The following OSBPL9 variants were observed in gnomAD, a reference collection of about 807,000 sequenced individuals.
The protein encoded by OSBPL9 is oxysterol-binding protein-related protein 9.
Under a neutral mutation model 106.6 loss-of-function variants are expected in OSBPL9, and 40 were observed. The observed-to-expected ratio is 0.38, with a 90% CI of 0.29 to 0.49. The LOEUF is 0.49. Ranked by LOEUF, OSBPL9 falls within the 20% of genes least tolerant of loss-of-function variation. The pLI is 0.97. For synonymous variants in OSBPL9, 269 were observed against 295.4 expected (o/e 0.91, Z 0.92); for missense variants, 609 against 887.2 (o/e 0.69, Z 3.98).
At chr1:51,762,489 CAG>C (rs1428447544) in intron 11 of OSBPL9, among the ~76,000 whole-genome samples, 1 of 152,158 alleles carries the variant, frequency 6.6e-6, no homozygotes, top group African/African-American at 2.4e-5. Flanking sequence ...TAAAATATTA[CAG>C]AGTTTTGTTT....
In OSBPL9 at chr1:51,772,788, T is replaced by C. The variant is rs530984081; in HGVS notation, c.1170+65T>C. The C allele has an allele frequency of 2.8e-6, 3 of 1,063,214 alleles. No homozygotes were observed. In the East Asian group the frequency reaches 7.2e-5, roughly 25 times the overall value. 65.9% of individuals were successfully genotyped at this position (1,063,214 alleles called of 1,614,324 possible). A position where few individuals can be genotyped will look rare whatever the true frequency, so the allele number is the denominator to read the frequency against. On this transcript the variant is annotated intron_variant, in intron 14 of 23. Transcript: ENST00000428468. Reference sequence around the variant, plus strand: ...GGATTCTCAGTGATTGCGTGGTGAGTGTGCCTGCAAATGTAGTAAAATGAC... The same window carrying C: ...GGATTCTCAGTGATTGCGTGGTGAGCGTGCCTGCAAATGTAGTAAAATGAC...
intron 2 of OSBPL9, among the ~76,000 whole-genome samples, chr1:51,666,278 A>G (rs1293814223): frequency 2.0e-5 from 3 of 152,162 alleles, no homozygotes; most frequent in Non-Finnish European, 4.4e-5. Context: ...GGTACAGCCA[A>G]TTTTCAAAAA....
chr1:51,700,275 G>A (rs1340119817), intron 3 of OSBPL9, among the ~76,000 whole-genome samples: 1 of 152,104 alleles, frequency 6.6e-6, no homozygotes, highest in Admixed American at 6.5e-5. Flanking sequence ...CATGCCCTGT[G>A]CTAGGTTGTG....
At chr1:51,650,741 C>T (rs1283450300) in intron 1 of OSBPL9, among the ~76,000 whole-genome samples, 2 of 152,102 alleles carry the variant, frequency 1.3e-5, no homozygotes, top group East Asian at 3.8e-4. Context: ...AGGTGGAGTA[C>T]AGGAAAATAC....
In OSBPL9 at chr1:51,787,852, A is replaced by G. The variant is rs1483453507; in HGVS notation, c.*63A>G. The G allele has an allele frequency of 2.1e-5, 30 of 1,422,462 alleles. No homozygotes were observed. The highest frequency in any genetic ancestry group is 1.7e-4 in the South Asian group (15 of 86,670). 88.1% of individuals were successfully genotyped at this position (1,422,462 alleles called of 1,614,324 possible). On this transcript the variant is annotated 3_prime_UTR_variant, in exon 24 of 24. Transcript: ENST00000428468. ...AGTAGGCATAATTCAGCAACAAACA[A>G]TCTTCCTTTGGGAGAAACCTGTTCA... is the stretch of plus-strand genomic sequence containing the variant.
the OSBPL9 span, among the ~76,000 whole-genome samples, chr1:51,531,749 T>C: frequency 6.6e-6 from 1 of 152,078 alleles, no homozygotes; most frequent in Non-Finnish European, 1.5e-5. Flanking sequence ...TAAATTTGGG[T>C]GTCATTAGCA....
intron 3 of OSBPL9, among the ~76,000 whole-genome samples, chr1:51,679,112 C>G (rs369482518): frequency 2.5e-4 from 38 of 152,226 alleles, no homozygotes; most frequent in African/African-American, 8.9e-4. Flanking sequence ...GTAGGGAAAT[C>G]TACTGAATTC....
At chr1:51,580,812 G>T (rs751761482) in intron 1 of OSBPL9, among the ~76,000 whole-genome samples, 4 of 141,784 alleles carry the variant, frequency 2.8e-5, no homozygotes, top group Non-Finnish European at 4.6e-5. Flanking sequence ...AAGCAAATAG[G>T]CAGTAAAAAC....
chr1:51,756,424 G>A (rs1051115051), intron 9 of OSBPL9, 66 bp downstream of exon 9: 3 of 1,480,816 alleles, frequency 2.0e-6, no homozygotes, highest in Non-Finnish European at 2.8e-6. Context: ...GTCATATCAG[G>A]AGAAGCCTGA....
At chr1:51,691,994 A>G (rs1655066888) in intron 3 of OSBPL9, among the ~76,000 whole-genome samples, 3 of 152,182 alleles carry the variant, frequency 2.0e-5, no homozygotes, top group African/African-American at 7.2e-5. Context: ...ATAAATAAAT[A>G]GAAGGCATAC....
At chr1:51,622,252 G>A (rs975330428) in intron 1 of OSBPL9, among the ~76,000 whole-genome samples, 1 of 152,098 alleles carries the variant, frequency 6.6e-6, no homozygotes, top group African/African-American at 2.4e-5. Context: ...TCTGGAGCTT[G>A]GGACAAAAAT....
At chr1:51,736,716 T>C (rs1412725571) in intron 4 of OSBPL9, among the ~76,000 whole-genome samples, 1 of 152,166 alleles carries the variant, frequency 6.6e-6, no homozygotes, top group Non-Finnish European at 1.5e-5. Context: ...TGATGGATCC[T>C]TAAAAGTAGA....
chr1:51,762,251 A>C (rs1189998202), intron 11 of OSBPL9, among the ~76,000 whole-genome samples: 1 of 152,052 alleles, frequency 6.6e-6, no homozygotes, highest in Non-Finnish European at 1.5e-5. Context: ...TGGTACGATC[A>C]GGGCTCACTG....
intron 1 of OSBPL9, among the ~76,000 whole-genome samples, chr1:51,582,591 A>G (rs555275911): frequency 2.6e-5 from 4 of 152,132 alleles, no homozygotes; most frequent in East Asian, 1.9e-4. Flanking sequence ...CGGCCTCCCA[A>G]AGTGCTAGGA....
At chr1:51,591,605 A>G (rs548914502) in intron 1 of OSBPL9, among the ~76,000 whole-genome samples, 1 of 152,302 alleles carries the variant, frequency 6.6e-6, no homozygotes, top group East Asian at 1.9e-4. Flanking sequence ...TCAGGAGTTC[A>G]AAAGCAGCGT....
chr1:51,632,946 A>G (rs1645198833), intron 1 of OSBPL9, among the ~76,000 whole-genome samples: 1 of 151,936 alleles, frequency 6.6e-6, no homozygotes, highest in Non-Finnish European at 1.5e-5. Context: ...AAAAAATGAG[A>G]GTTTTTAAAT....
At chr1:51,599,752 T>A (rs1344234387) in intron 2 of OSBPL9, among the ~76,000 whole-genome samples, 1 of 152,224 alleles carries the variant, frequency 6.6e-6, no homozygotes, top group Admixed American at 6.5e-5. Context: ...AATATATTAT[T>A]AATTATTCAC....
At chr1:51,677,398 G>A (rs1227335119) in intron 3 of OSBPL9, among the ~76,000 whole-genome samples, 1 of 152,204 alleles carries the variant, frequency 6.6e-6, no homozygotes, top group African/African-American at 2.4e-5. Context: ...TGGATTGTCT[G>A]TATGTCCTAA....
chr1:51,784,612 A>G, intron 20 of OSBPL9, 30 bp downstream of exon 20: 1 of 1,606,092 alleles, frequency 6.2e-7, no homozygotes, highest in Non-Finnish European at 8.5e-7. Flanking sequence ...TAGAGCTCTT[A>G]TGCTTTTCTG....
Sources: allele counts gnomAD v4.1 joint callset (sites outside exome capture counted in the v4.1 genomes callset), GRCh38; gene constraint gnomAD v4.1.1; transcripts MANE v1.5; gene names NCBI Gene and HGNC (gene_info 2026-07-23, HGNC 2026-07-21).